Variants in CDH13 observed in about 807,000 individuals in gnomAD.
CDH13 encodes cadherin-13.
A neutral mutation model predicts 63.8 loss-of-function variants in CDH13; 24 were observed. That is an observed-to-expected ratio of 0.38 (90% CI 0.27 to 0.53). CDH13 has a LOEUF of 0.53. Among genes scored for constraint, CDH13 ranks in the 20% least tolerant of loss-of-function variants. The pLI is 0.85. For synonymous variants in CDH13, 503 were observed against 355.3 expected (o/e 1.42, Z -4.67); for missense variants, 1,049 against 903.1 (o/e 1.16, Z -2.07).
chr16:83,414,852 G>C (rs1466264404), intron 6 of CDH13, among the ~76,000 whole-genome samples: 1 of 152,226 alleles, frequency 6.6e-6, no homozygotes, highest in Non-Finnish European at 1.5e-5. Flanking sequence ...CTTGTGTATT[G>C]TGAATAGTGC....
rs143953001 is a variant in CDH13, at chr16:83,288,596, C to T, written c.637-56266C>T. On this transcript the variant is annotated intron_variant, in intron 5 of 13. Coordinates refer to ENST00000567109, the MANE Select transcript of CDH13 (RefSeq NM_001257.5). ...CAGCTGTCCAGGCAGGACCTCTCTG[C>T]GGTGACATTCACATGGCAGAGTTAC... Among the ~76,000 whole-genome samples the T allele has an allele frequency of 3.9e-4, 59 of 152,302 alleles. 1 individual carries two copies. In the South Asian group the frequency reaches 9.1e-3, roughly 24 times the overall value.
intron 2 of CDH13, among the ~76,000 whole-genome samples, chr16:83,027,851 A>G (rs913025873): frequency 6.6e-6 from 1 of 152,186 alleles, no homozygotes; most frequent in Non-Finnish European, 1.5e-5. Flanking sequence ...TTCTCTGCCT[A>G]AGTAATAGGT....
At chr16:82,887,638 T>C in intron 2 of CDH13, among the ~76,000 whole-genome samples, 1 of 152,140 alleles carries the variant, frequency 6.6e-6, no homozygotes, top group Non-Finnish European at 1.5e-5. Context: ...CTGGCCAACG[T>C]GGTGAAACCT....
At chr16:83,476,843 A>T (rs1014260149) in intron 6 of CDH13, among the ~76,000 whole-genome samples, 2 of 152,232 alleles carry the variant, frequency 1.3e-5, no homozygotes, top group Non-Finnish European at 2.9e-5. Flanking sequence ...GTTTCCACTT[A>T]AAATTGATTT....
At chr16:82,718,914 T>C (rs1052606860) in intron 1 of CDH13, among the ~76,000 whole-genome samples, 3 of 152,176 alleles carry the variant, frequency 2.0e-5, no homozygotes, top group African/African-American at 7.2e-5. Flanking sequence ...GGAGTTGAGA[T>C]GGAACAGCAT....
Position 83,315,683 on chromosome 16 carries a change from G to A in CDH13, c.637-29179G>A, listed in dbSNP as rs149518964. Among the ~76,000 whole-genome samples the A allele has an allele frequency of 1.5e-3, 219 of 150,244 alleles. 1 individual carries two copies. The highest frequency in any genetic ancestry group is 4.7e-3 in the African/African-American group (195 of 41,074). On this transcript the variant is annotated intron_variant, in intron 5 of 13. Transcript: ENST00000567109. ...TCTAAGAAAATTTTTAATTTTTTTA[G>A]TGTGTTCTCGCTATCTTGGAGTTAT...
chr16:82,699,289 C>T (rs1346337464), intron 1 of CDH13, among the ~76,000 whole-genome samples: 1 of 152,166 alleles, frequency 6.6e-6, no homozygotes, highest in African/African-American at 2.4e-5. Context: ...AGGACAGCTG[C>T]TTGTGTCCTC....
At chr16:83,305,496 T>C (rs778396452) in intron 5 of CDH13, among the ~76,000 whole-genome samples, 1 of 152,306 alleles carries the variant, frequency 6.6e-6, no homozygotes, top group East Asian at 1.9e-4. Flanking sequence ...CATGGCACTT[T>C]TGGAGGGTTT....
chr16:83,346,231 G>C (rs2090837078), intron 6 of CDH13, among the ~76,000 whole-genome samples: 1 of 152,186 alleles, frequency 6.6e-6, no homozygotes, highest in Non-Finnish European at 1.5e-5. Context: ...GGTCTGGAGA[G>C]AAGGAGAGAG....
intron 3 of CDH13, among the ~76,000 whole-genome samples, chr16:83,090,605 T>C (rs1221760881): frequency 6.6e-6 from 1 of 151,248 alleles, no homozygotes; most frequent in East Asian, 1.9e-4. Flanking sequence ...TGCTTGTCTC[T>C]GCTCAAAGAG....
At chr16:83,086,136 C>T (rs747004802) in intron 3 of CDH13, among the ~76,000 whole-genome samples, 14 of 152,196 alleles carry the variant, frequency 9.2e-5, no homozygotes, top group Non-Finnish European at 1.3e-4. Context: ...AAATACCAAA[C>T]TCAGATACCA....
At chr16:83,166,246 A>G (rs560454242) in intron 4 of CDH13, among the ~76,000 whole-genome samples, 1 of 152,230 alleles carries the variant, frequency 6.6e-6, no homozygotes, top group East Asian at 1.9e-4. Flanking sequence ...GCTCTGGTAC[A>G]ATTGAGGTAT....
chr16:83,314,970 A>G (rs1281078334), intron 5 of CDH13, among the ~76,000 whole-genome samples: 4 of 152,072 alleles, frequency 2.6e-5, no homozygotes, highest in African/African-American at 9.7e-5. Flanking sequence ...AAGACTTGGG[A>G]GGTGGGCAGA....
chr16:83,717,575 C>T (rs933450698), intron 10 of CDH13, among the ~76,000 whole-genome samples: 7 of 152,254 alleles, frequency 4.6e-5, no homozygotes, highest in Non-Finnish European at 1.0e-4. Context: ...GAGCCAAGGG[C>T]TGACTCTTGG....
chr16:82,725,269 C>G (rs1265309002), intron 1 of CDH13, among the ~76,000 whole-genome samples: 1 of 152,174 alleles, frequency 6.6e-6, no homozygotes, highest in Admixed American at 6.6e-5. Context: ...TCGTTATTGT[C>G]TCTCAAGTTC....
At chr16:82,945,924 G>C (rs796571957) in intron 2 of CDH13, among the ~76,000 whole-genome samples, 1 of 152,138 alleles carries the variant, frequency 6.6e-6, no homozygotes, top group African/African-American at 2.4e-5. Context: ...CAGTTTGGCT[G>C]TCATTTCCTC....
chr16:83,059,785 T>TTTTGTTTG (rs2031336385), intron 3 of CDH13, among the ~76,000 whole-genome samples: 1 of 134,664 alleles, frequency 7.4e-6, no homozygotes, highest in Non-Finnish European at 1.6e-5. Context: ...TTGTTTTTTT[T>TTTTGTTTG]TTTGTTTGTT....
At chr16:83,421,176 T>C (rs927292748) in intron 6 of CDH13, among the ~76,000 whole-genome samples, 2 of 152,158 alleles carry the variant, frequency 1.3e-5, no homozygotes, top group African/African-American at 4.8e-5. Flanking sequence ...GTGGCATAAG[T>C]CTAGAACCCT....
intron 8 of CDH13, among the ~76,000 whole-genome samples, chr16:83,661,365 C>T (rs79147160): frequency 5.1e-4 from 78 of 152,034 alleles, no homozygotes; most frequent in African/African-American, 1.8e-3. Context: ...CACATACACA[C>T]CCAGCTACTA....
Sources: gnomAD v4.1 joint callset for allele counts (sites outside exome capture counted in the v4.1 genomes callset) on GRCh38, gnomAD v4.1.1 for gene constraint, MANE v1.5 for transcripts, NCBI Gene and HGNC (gene_info 2026-07-23, HGNC 2026-07-21) for gene names.